The following DLG2 variants were observed in gnomAD, a reference collection of about 807,000 sequenced individuals.
The protein encoded by DLG2 is discs large MAGUK scaffold protein 2.
Under a neutral mutation model 132.5 loss-of-function variants are expected in DLG2, and 45 were observed. That is an observed-to-expected ratio of 0.34 (90% CI 0.27 to 0.44). The LOEUF (loss-of-function observed/expected upper bound fraction) is 0.44, where lower values mean the gene tolerates loss of function less well. Among genes scored for constraint, DLG2 ranks in the 20% least tolerant of loss-of-function variants. DLG2 has a pLI of 1.00. For missense variants in DLG2, 1,045 were observed against 1,196.9 expected (o/e 0.87, Z 1.87); for synonymous variants, 424 against 419.6 (o/e 1.01, Z -0.13).
chr11:83,637,699 C>T (rs2065215807), intron 18 of DLG2, among the ~76,000 whole-genome samples: 1 of 152,168 alleles, frequency 6.6e-6, no homozygotes, highest in South Asian at 2.1e-4. Flanking sequence ...CTCCACCCTT[C>T]CCCTCTTGAC....
chr11:85,554,331 A>G (rs1434278259), intron 3 of DLG2, among the ~76,000 whole-genome samples: 1 of 151,956 alleles, frequency 6.6e-6, no homozygotes, highest in Non-Finnish European at 1.5e-5. Flanking sequence ...ACAAGTAGAG[A>G]TTTAAAAATC....
At chr11:85,331,676 T>A (rs2152840653) in intron 3 of DLG2, among the ~76,000 whole-genome samples, 1 of 152,332 alleles carries the variant, frequency 6.6e-6, no homozygotes, top group East Asian at 1.9e-4. Flanking sequence ...TGTATCCATG[T>A]GTACTTAAAG....
chr11:83,954,519 T>C lies in DLG2; in HGVS notation c.1340+8366A>G, dbSNP rs939348526. ...CAAAACATACATTATAGTACCAGTC[T>C]CTATGTTGGAGAAATCAGAAATGCA... On this transcript the variant is annotated intron_variant, in intron 14 of 27. Coordinates refer to ENST00000376104, the MANE Select transcript of DLG2 (RefSeq NM_001142699.3). 7.9e-5 allele frequency among the ~76,000 whole-genome samples: 12 copies of C among 152,178 alleles called. 1 individual carries two copies. Among genetic ancestry groups the C allele is most frequent in the African/African-American group, 2.9e-4 (12 of 41,432 alleles).
chr11:83,984,492 G>C (rs930280042), intron 11 of DLG2, among the ~76,000 whole-genome samples: 1 of 151,926 alleles, frequency 6.6e-6, no homozygotes, highest in Non-Finnish European at 1.5e-5. Flanking sequence ...TAAATCTGTA[G>C]TTTATGTCTA....
intron 6 of DLG2, among the ~76,000 whole-genome samples, chr11:84,897,001 A>G (rs993418944): frequency 6.6e-6 from 1 of 151,848 alleles, no homozygotes; most frequent in Admixed American, 6.6e-5. Context: ...ATGAGTTTCT[A>G]TGTACCAACC....
chr11:83,953,519 A>G (rs1301078823), intron 14 of DLG2, among the ~76,000 whole-genome samples: 1 of 152,206 alleles, frequency 6.6e-6, no homozygotes, highest in Non-Finnish European at 1.5e-5. Flanking sequence ...CCACCTGTCC[A>G]TGGAAAAATT....
At chr11:84,101,127 A>G (rs1425338475) in intron 9 of DLG2, among the ~76,000 whole-genome samples, 1 of 152,180 alleles carries the variant, frequency 6.6e-6, no homozygotes, top group Non-Finnish European at 1.5e-5. Context: ...CCCTGGAGCT[A>G]CAGGAGTAAG....
chr11:84,507,834 G>T (rs1358786651), intron 7 of DLG2, among the ~76,000 whole-genome samples: 1 of 152,164 alleles, frequency 6.6e-6, no homozygotes, highest in African/African-American at 2.4e-5. Flanking sequence ...CTTTATCACG[G>T]TGTATTAACT....
rs574088691 is a variant in DLG2, at chr11:83,790,422, A to G, written c.1723-3630T>C. On this transcript the variant is annotated intron_variant, in intron 17 of 27. Coordinates refer to ENST00000376104, the MANE Select transcript of DLG2 (RefSeq NM_001142699.3). ...GCCTCCCAACATGTGATTGGTCCCCAGTACCATCCTTGTTTTGCAAGATCT... is the reference window on the plus strand; with the variant it reads ...GCCTCCCAACATGTGATTGGTCCCCGGTACCATCCTTGTTTTGCAAGATCT... 28 of 1,052,210 alleles carry G rather than the reference A, an allele frequency of 2.7e-5. No individual in the cohort carries two copies. In the Middle Eastern group the frequency reaches 8.4e-4, roughly 32 times the overall value. The allele number at this position is 1,052,210 out of a possible 1,614,324, so 65.2% of individuals were successfully genotyped here.
intron 16 of DLG2, among the ~76,000 whole-genome samples, chr11:83,834,511 G>A (rs1360443457): frequency 1.3e-5 from 2 of 152,062 alleles, no homozygotes; most frequent in Non-Finnish European, 2.9e-5. Flanking sequence ...AGGAGAGAGA[G>A]CATCTAAGTA....
chr11:83,740,152 T>C (rs528385586), intron 18 of DLG2, among the ~76,000 whole-genome samples: 1 of 152,292 alleles, frequency 6.6e-6, no homozygotes, highest in South Asian at 2.1e-4. Flanking sequence ...TACTCTACAT[T>C]CCAGCAATTT....
At chr11:84,235,940 T>C (rs990433566) in intron 8 of DLG2, among the ~76,000 whole-genome samples, 8 of 152,136 alleles carry the variant, frequency 5.3e-5, no homozygotes, top group African/African-American at 1.9e-4. Context: ...AAAATTTTAA[T>C]AGTGCCTAGA....
chr11:84,998,746 ATTTT>A (rs897357148), intron 6 of DLG2, among the ~76,000 whole-genome samples: 3 of 150,960 alleles, frequency 2.0e-5, no homozygotes, highest in Admixed American at 2.0e-4. Flanking sequence ...CCATAAGCGG[ATTTT>A]TTTTTGTCTT....
At chr11:84,252,648 G>A (rs1206259662) in intron 7 of DLG2, among the ~76,000 whole-genome samples, 5 of 152,112 alleles carry the variant, frequency 3.3e-5, no homozygotes, top group Non-Finnish European at 7.4e-5. Flanking sequence ...TAGAAAATAA[G>A]AGATTGCAAT....
chr11:85,546,425 T>C (rs1332161345), intron 3 of DLG2, among the ~76,000 whole-genome samples: 5 of 152,292 alleles, frequency 3.3e-5, no homozygotes, highest in African/African-American at 1.2e-4. Flanking sequence ...TGTGGCCAAT[T>C]TTAGAATAAG....
In DLG2 at chr11:83,492,093, TA is replaced by T. The variant is rs560533426; in HGVS notation, c.2194-7866del. On this transcript the variant is annotated intron_variant, in intron 21 of 27. Transcript: ENST00000376104. ...CAAAGATCAGATGGCCTGCAAAGCC[TA>T]AAATATTTACTCTCTGGCCCGTTAC... Among the ~76,000 whole-genome samples the T allele has an allele frequency of 2.1e-3, 314 of 152,188 alleles. 4 individuals are homozygous for T. Among genetic ancestry groups the T allele is most frequent in the African/African-American group, 7.4e-3 (307 of 41,562 alleles).
At chr11:83,514,127 C>A (rs985571745) in intron 21 of DLG2, among the ~76,000 whole-genome samples, 1 of 152,102 alleles carries the variant, frequency 6.6e-6, no homozygotes, top group Non-Finnish European at 1.5e-5. Context: ...GGCAGTATGG[C>A]CATTTTCATG....
intron 17 of DLG2, among the ~76,000 whole-genome samples, chr11:83,800,469 C>T (rs1411144049): frequency 6.6e-6 from 1 of 152,142 alleles, no homozygotes; most frequent in Non-Finnish European, 1.5e-5. Flanking sequence ...AATTAAGTTC[C>T]CTTCCCCTCC....
At chr11:84,233,384 C>T (rs891450749) in intron 8 of DLG2, among the ~76,000 whole-genome samples, 1 of 152,120 alleles carries the variant, frequency 6.6e-6, no homozygotes, top group African/African-American at 2.4e-5. Flanking sequence ...AAAGAGCAGC[C>T]TGAAAAATCA....
Sources: allele counts gnomAD v4.1 joint callset (sites outside exome capture counted in the v4.1 genomes callset), GRCh38; gene constraint gnomAD v4.1.1; transcripts MANE v1.5; gene names NCBI Gene and HGNC (gene_info 2026-07-23, HGNC 2026-07-21).